The following PHKB variants were observed in gnomAD, a reference collection of about 807,000 sequenced individuals.
The protein encoded by PHKB is phosphorylase b kinase regulatory subunit beta.
In PHKB, 122 loss-of-function variants were observed where a neutral mutation model predicts 152.1. The ratio of observed to expected loss-of-function variants is 0.80; its 90% confidence interval spans 0.69 to 0.93. The LOEUF is 0.93. Ranked by LOEUF, PHKB falls within the 40% of genes least tolerant of loss-of-function variation. The probability of loss-of-function intolerance (pLI) is 0.00; values close to 1 mark genes in which losing one functional copy is unlikely to be tolerated. For synonymous variants in PHKB, 436 were observed against 464.9 expected (o/e 0.94, Z 0.80); for missense variants, 1,304 against 1,328.4 (o/e 0.98, Z 0.29).
intron 26 of PHKB, among the ~76,000 whole-genome samples, chr16:47,671,028 T>C (rs1464508187): frequency 6.6e-6 from 1 of 152,224 alleles, no homozygotes; most frequent in African/African-American, 2.4e-5. Flanking sequence ...GCTCCCACAG[T>C]ACCCTGTCAG....
At chr16:47,563,587 C>T (rs1276485645) in intron 7 of PHKB, among the ~76,000 whole-genome samples, 1 of 152,100 alleles carries the variant, frequency 6.6e-6, no homozygotes, top group African/African-American at 2.4e-5. Flanking sequence ...TTTGTTGTTC[C>T]ATTTCTAGAG....
chr16:47,650,958 G>T, intron 20 of PHKB, 37 bp downstream of exon 20: 3 of 1,377,730 alleles, frequency 2.2e-6, no homozygotes, highest in Non-Finnish European at 3.1e-6. Context: ...CTATTTTCAG[G>T]ACAGTTAATC....
At chr16:47,666,088 A>G (rs1597162755) in intron 25 of PHKB, 7 of 1,258,774 alleles carry the variant, frequency 5.6e-6, no homozygotes, top group Non-Finnish European at 8.1e-6. Flanking sequence ...ATTTCTGGCT[A>G]GGACCCTTAA....
At chr16:47,530,139 T>TC (rs1970836573) in intron 6 of PHKB, among the ~76,000 whole-genome samples, 2 of 149,398 alleles carry the variant, frequency 1.3e-5, no homozygotes, top group Non-Finnish European at 3.0e-5. Context: ...CTCCTTTTTT[T>TC]TTTTTTTTTT....
At chr16:47,604,152 T>C (rs1397826756) in intron 13 of PHKB, among the ~76,000 whole-genome samples, 1 of 152,248 alleles carries the variant, frequency 6.6e-6, no homozygotes, top group Admixed American at 6.5e-5. Context: ...CTTCTGTGAA[T>C]TGTCTAGTAA....
intron 8 of PHKB, among the ~76,000 whole-genome samples, chr16:47,581,326 T>C (rs1971841510): frequency 6.6e-6 from 1 of 152,222 alleles, no homozygotes; most frequent in Admixed American, 6.5e-5. Context: ...GGATGGGCTC[T>C]GTCTATATGA....
At chr16:47,681,848 G>A (rs1973864192) in intron 26 of PHKB, among the ~76,000 whole-genome samples, 1 of 152,188 alleles carries the variant, frequency 6.6e-6, no homozygotes, top group Non-Finnish European at 1.5e-5. Flanking sequence ...GTTAGTTGAT[G>A]CAGTTTCTTC....
At chr16:47,464,888 C>T (rs1361085304) in intron 1 of PHKB, among the ~76,000 whole-genome samples, 1 of 152,206 alleles carries the variant, frequency 6.6e-6, no homozygotes, top group Non-Finnish European at 1.5e-5. Flanking sequence ...CAGAATATTT[C>T]AAGCCTCAGG....
chr16:47,636,013 A>G (rs1029053843), intron 14 of PHKB, among the ~76,000 whole-genome samples: 3 of 152,218 alleles, frequency 2.0e-5, no homozygotes, highest in African/African-American at 7.2e-5. Flanking sequence ...GATTCTGGTG[A>G]CTAATTGCAT....
rs982413591 is a variant in PHKB at position 47,685,202 on chromosome 16, G to A, written c.2631-3839G>A. ...AGCACTTTGGGAGGCCGAGGTGGGC[G>A]GATCACGAGGTTAGGAGTTCAAGAC... is the stretch of plus-strand genomic sequence containing the variant. On this transcript the variant is annotated intron_variant, in intron 26 of 30. Coordinates refer to ENST00000323584, the MANE Select transcript of PHKB (RefSeq NM_000293.3). Among the ~76,000 whole-genome samples, 12 of 152,150 alleles carry A rather than the reference G, an allele frequency of 7.9e-5. No homozygotes were observed. The East Asian group carries it at 9.6e-4, about 12-fold the overall frequency.
At chr16:47,487,805 G>A (rs1309392342) in intron 1 of PHKB, among the ~76,000 whole-genome samples, 1 of 152,158 alleles carries the variant, frequency 6.6e-6, no homozygotes, top group Non-Finnish European at 1.5e-5. Context: ...GGTATTTCAT[G>A]GTATATAGGT....
intron 4 of PHKB, among the ~76,000 whole-genome samples, chr16:47,510,225 C>T (rs2151648771): frequency 6.6e-6 from 1 of 152,194 alleles, no homozygotes; most frequent in East Asian, 1.9e-4. Context: ...TTTATAGCAA[C>T]CGTGTTATGT....
At chr16:47,503,569 G>T (rs1240632171) in intron 4 of PHKB, among the ~76,000 whole-genome samples, 1 of 152,110 alleles carries the variant, frequency 6.6e-6, no homozygotes, top group Non-Finnish European at 1.5e-5. Context: ...AGTGGCTCAC[G>T]CCTGTAATCC....
intron 14 of PHKB, among the ~76,000 whole-genome samples, chr16:47,621,366 A>G (rs907853153): frequency 6.6e-6 from 1 of 152,218 alleles, no homozygotes; most frequent in African/African-American, 2.4e-5. Context: ...TAGATACATT[A>G]TATAGCACTC....
chr16:47,654,841 T>C (rs977711700), intron 20 of PHKB, among the ~76,000 whole-genome samples: 4 of 150,680 alleles, frequency 2.7e-5, no homozygotes, highest in African/African-American at 7.3e-5. Flanking sequence ...TTAGGAGATA[T>C]ACCTAATGCT....
chr16:47,545,548 G>T (rs185662508), intron 6 of PHKB, among the ~76,000 whole-genome samples: 2 of 152,114 alleles, frequency 1.3e-5, no homozygotes, highest in Non-Finnish European at 2.9e-5. Flanking sequence ...TTTCAACCTT[G>T]GTGAATTTGA....
intron 1 of PHKB, among the ~76,000 whole-genome samples, chr16:47,476,702 A>G (rs28566542): frequency 6.6e-6 from 1 of 151,952 alleles, no homozygotes; most frequent in Non-Finnish European, 1.5e-5. Context: ...TTCCTCCCTT[A>G]TGCATTACTG....
intron 5 of PHKB, among the ~76,000 whole-genome samples, chr16:47,513,850 A>G (rs1380200449): frequency 6.6e-6 from 1 of 152,212 alleles, no homozygotes; most frequent in Non-Finnish European, 1.5e-5. Context: ...TTTTATTGAG[A>G]TACAATTCAC....
At chr16:47,668,466 G>T (rs1400145015) in intron 25 of PHKB, among the ~76,000 whole-genome samples, 6 of 152,158 alleles carry the variant, frequency 3.9e-5, no homozygotes, top group African/African-American at 1.4e-4. Context: ...ATGGAAAGGG[G>T]TATTCAGGGA....
Sources: allele counts gnomAD v4.1 joint callset (sites outside exome capture counted in the v4.1 genomes callset), GRCh38; gene constraint gnomAD v4.1.1; transcripts MANE v1.5; gene names NCBI Gene and HGNC (gene_info 2026-07-23, HGNC 2026-07-21).